The following M1AP variants were observed in gnomAD, a reference collection of about 807,000 sequenced individuals.
M1AP encodes meiosis 1 arrest protein.
In M1AP, 39 loss-of-function variants were observed where a neutral mutation model predicts 51.2. The ratio of observed to expected loss-of-function variants is 0.76; its 90% CI spans 0.59 to 1.00. M1AP has a LOEUF of 1.00. Among genes scored for constraint, M1AP ranks in the 50% least tolerant of loss-of-function variants. The pLI, the probability that M1AP is intolerant of heterozygous loss-of-function variation, is 0.00. For synonymous variants in M1AP, 251 were observed against 249.2 expected (o/e 1.01, Z -0.07); for missense variants, 545 against 641.2 (o/e 0.85, Z 1.62).
At chr2:74,615,353 A>T in intron 2 of M1AP, 1 of 555,268 alleles carries the variant, frequency 1.8e-6, no homozygotes, top group East Asian at 3.0e-5. Flanking sequence ...ATTTGCAGCC[A>T]TAAAGGTTTT....
At chr2:74,644,138 A>T (rs1442764837) in intron 1 of M1AP, among the ~76,000 whole-genome samples, 3 of 152,234 alleles carry the variant, frequency 2.0e-5, no homozygotes, top group Non-Finnish European at 4.4e-5. Flanking sequence ...TAGCTAAAGA[A>T]TGTAGGGAAA....
At chr2:74,637,266 G>T (rs1484584289) in intron 2 of M1AP, among the ~76,000 whole-genome samples, 4 of 152,072 alleles carry the variant, frequency 2.6e-5, no homozygotes. Flanking sequence ...GCCAGAAATT[G>T]TAGTTTTCCT....
intron 3 of M1AP, among the ~76,000 whole-genome samples, chr2:74,611,298 T>C (rs1681326968): frequency 6.6e-6 from 1 of 152,228 alleles, no homozygotes; most frequent in Non-Finnish European, 1.5e-5. Flanking sequence ...AGTGAATCTA[T>C]GAGGTCTGGG....
At chr2:74,607,893 T>G (rs1681113168) in intron 3 of M1AP, among the ~76,000 whole-genome samples, 1 of 152,204 alleles carries the variant, frequency 6.6e-6, no homozygotes, top group African/African-American at 2.4e-5. Context: ...GGATGTAGAT[T>G]AAAGCACTAT....
intron 1 of M1AP, among the ~76,000 whole-genome samples, chr2:74,646,829 G>A (rs1683644153): frequency 6.6e-6 from 1 of 152,026 alleles, no homozygotes; most frequent in Non-Finnish European, 1.5e-5. Context: ...TTTTCCCATT[G>A]GTGTTTAAGA....
intron 7 of M1AP, among the ~76,000 whole-genome samples, chr2:74,572,863 C>T (rs1678830930): frequency 6.6e-6 from 1 of 152,150 alleles, no homozygotes; most frequent in Non-Finnish European, 1.5e-5. Context: ...AGACAGAAGA[C>T]TAACAAAGAA....
At chr2:74,611,548 G>T (rs1308659637) in intron 3 of M1AP, among the ~76,000 whole-genome samples, 1 of 151,994 alleles carries the variant, frequency 6.6e-6, no homozygotes, top group South Asian at 2.1e-4. Flanking sequence ...TGATTTATTT[G>T]ACTCATCTCT....
At chr2:74,621,356 T>A (rs914003076) in intron 2 of M1AP, among the ~76,000 whole-genome samples, 1 of 151,746 alleles carries the variant, frequency 6.6e-6, no homozygotes, top group African/African-American at 2.4e-5. Flanking sequence ...AGGCACAGAT[T>A]AACAACTGAT....
At chr2:74,625,918 A>G (rs936734031) in intron 2 of M1AP, among the ~76,000 whole-genome samples, 12 of 152,164 alleles carry the variant, frequency 7.9e-5, no homozygotes, top group African/African-American at 2.4e-4. Flanking sequence ...TGCTCTTCCA[A>G]CATGGAGAAT....
chr2:74,560,112 G>A (rs914615191), intron 9 of M1AP, 39 bp downstream of exon 9: 4 of 1,605,756 alleles, frequency 2.5e-6, no homozygotes, highest in African/African-American at 1.3e-5. Context: ...AGGGGAGGGA[G>A]GGGAAGTAAG....
chr2:74,647,128 A>T lies in M1AP; in HGVS notation c.-53+1137T>A, dbSNP rs893232728. The T allele has an allele frequency of 9.8e-6, 8 of 818,486 alleles. No individual in the cohort carries two copies. In the African/African-American group the frequency reaches 1.5e-4, roughly 15 times the overall value. 50.7% of individuals were successfully genotyped at this position (818,486 alleles called of 1,614,324 possible). A position where few individuals can be genotyped will look rare whatever the true frequency, so the allele number is the denominator to read the frequency against. The stretch of plus-strand genomic sequence containing the variant: ...CTCCAAACCACCAAGTTATGCCCAA[A>T]CTAAAAACCCTCCAAGGACTTCCAA... On this transcript the variant is annotated intron_variant, in intron 1 of 10. Coordinates refer to ENST00000421985, the MANE Select transcript of M1AP (RefSeq NM_001321739.2).
At chr2:74,622,879 G>A (rs992428790) in intron 2 of M1AP, among the ~76,000 whole-genome samples, 1 of 150,834 alleles carries the variant, frequency 6.6e-6, no homozygotes, top group Admixed American at 6.6e-5. Flanking sequence ...GTTTAGTGAA[G>A]GGTAGAGATA....
At position 74,558,793 on chromosome 2, in the gene M1AP, T is replaced by A. The variant is rs1677684109; in HGVS notation, c.1516A>T (p.Met506Leu). 6.2e-7 allele frequency: 1 copy of A among 1,611,836 alleles called. No individual in the cohort carries two copies. Among genetic ancestry groups the A allele is most frequent in the African/African-American group, 1.3e-5 (1 of 74,854 alleles). The change falls in exon 11 of 11, where the codon ATG becomes TTG. Residue 506 changes from methionine to leucine, a missense_variant. Physicochemically the swap from Met to Leu is conservative, Grantham distance 15. Transcript: ENST00000421985. ...MTPVPGRASK[M>L]PAASKSSSDA... is the part of the protein sequence containing the mutation. Reference sequence around the variant, plus strand: ...GAGGAAGATTTGCTGGCTGCTGGCATCTTGGAGGCTCTGCCTGGGACAGGA... The same window carrying A: ...GAGGAAGATTTGCTGGCTGCTGGCAACTTGGAGGCTCTGCCTGGGACAGGA...
intron 4 of M1AP, among the ~76,000 whole-genome samples, chr2:74,589,866 T>C (rs1367855011): frequency 6.6e-6 from 1 of 152,250 alleles, no homozygotes; most frequent in Non-Finnish European, 1.5e-5. Flanking sequence ...ATGATTTATA[T>C]TATGGGTGTC....
intron 2 of M1AP, among the ~76,000 whole-genome samples, chr2:74,620,420 G>T (rs1238106559): frequency 2.6e-5 from 4 of 152,214 alleles, no homozygotes; most frequent in African/African-American, 9.6e-5. Flanking sequence ...AGCATTAAAT[G>T]ACCCCATGCC....
At chr2:74,594,530 G>A (rs756646625) in intron 4 of M1AP, among the ~76,000 whole-genome samples, 8 of 151,966 alleles carry the variant, frequency 5.3e-5, no homozygotes, top group Non-Finnish European at 8.8e-5. Flanking sequence ...GAATGAGGCC[G>A]AAAAAATATT....
chr2:74,639,237 G>A (rs1417919221), intron 2 of M1AP, among the ~76,000 whole-genome samples: 1 of 152,128 alleles, frequency 6.6e-6, no homozygotes, highest in Non-Finnish European at 1.5e-5. Flanking sequence ...TAAAAAAATA[G>A]ATTTCAGTCA....
chr2:74,581,841 G>C lies in M1AP; in HGVS notation c.602C>G (p.Ser201Cys). 1 of 1,610,586 alleles carries C rather than the reference G, an allele frequency of 6.2e-7. No individual in the cohort carries two copies. Among genetic ancestry groups the C allele is most frequent in the Middle Eastern group, 1.7e-4 (1 of 6,040 alleles). The change falls in exon 5 of 11, where the codon TCT becomes TGT. Residue 201 changes from serine (S) to cysteine (C), a missense_variant. By Grantham distance (112) the Ser-to-Cys change is moderately radical (BLOSUM62 -1). Transcript: ENST00000421985. Reference protein sequence around the residue: ...PVEDTSNDESSILGTDIDLQT... With the variant: ...PVEDTSNDESCILGTDIDLQT... Reference sequence around the variant, plus strand: ...AAGGTCAATGTCAGTTCCCAGAATAGAACTCTCTGCAAAAGAAAGGGAAAT... The same window carrying C: ...AAGGTCAATGTCAGTTCCCAGAATACAACTCTCTGCAAAAGAAAGGGAAAT...
chr2:74,621,742 G>A (rs370100458), intron 2 of M1AP, among the ~76,000 whole-genome samples: 2 of 151,896 alleles, frequency 1.3e-5, no homozygotes, highest in African/African-American at 4.8e-5. Flanking sequence ...GCAGTGAGCC[G>A]AGATCGCGCT....
Sources: allele counts gnomAD v4.1 joint callset (sites outside exome capture counted in the v4.1 genomes callset), GRCh38; gene constraint gnomAD v4.1.1; transcripts MANE v1.5; gene names NCBI Gene and HGNC (gene_info 2026-07-23, HGNC 2026-07-21).